The following CADM2 variants were observed in gnomAD, a reference collection of about 807,000 sequenced individuals.
The protein encoded by CADM2 is immunoglobulin superfamily member 4D.
In CADM2, 12 loss-of-function variants were observed where a neutral mutation model predicts 49.8. The ratio of observed to expected loss-of-function variants is 0.24; its 90% CI spans 0.15 to 0.39. The LOEUF (loss-of-function observed/expected upper bound fraction) is 0.39, where lower values mean the gene tolerates loss of function less well. Ranked by LOEUF, CADM2 falls within the 10% of genes least tolerant of loss-of-function variation. CADM2 has a pLI of 1.00. For synonymous variants in CADM2, 214 were observed against 175.4 expected, an observed-to-expected ratio of 1.22 and a Z score of -1.74; for missense variants, 378 against 492.3, an observed-to-expected ratio of 0.77 and a Z score of 2.20.
chr3:85,609,236 C>T (rs1240866799), intron 1 of CADM2, among the ~76,000 whole-genome samples: 3 of 151,966 alleles, frequency 2.0e-5, no homozygotes, highest in East Asian at 1.9e-4. Flanking sequence ...TCTTGTACTC[C>T]GAGAGGTGTT....
At chr3:85,026,552 T>C (rs1282804632) in intron 1 of CADM2, among the ~76,000 whole-genome samples, 1 of 152,194 alleles carries the variant, frequency 6.6e-6, no homozygotes, top group Non-Finnish European at 1.5e-5. Flanking sequence ...CAAATTGTAG[T>C]AATTTTATTT....
At chr3:85,527,349 A>G (rs2061184552) in intron 1 of CADM2, among the ~76,000 whole-genome samples, 1 of 150,648 alleles carries the variant, frequency 6.6e-6, no homozygotes, top group South Asian at 2.1e-4. Flanking sequence ...AGCTATGATC[A>G]TGTCACTGCA....
chr3:85,321,243 G>T (rs1211042117), intron 1 of CADM2, among the ~76,000 whole-genome samples: 1 of 143,166 alleles, frequency 7.0e-6, no homozygotes, highest in East Asian at 2.1e-4. Flanking sequence ...TGGGATCTCG[G>T]TTCACTGCAA....
At chr3:85,392,702 A>G (rs2034573545) in intron 1 of CADM2, among the ~76,000 whole-genome samples, 2 of 152,096 alleles carry the variant, frequency 1.3e-5, no homozygotes, top group African/African-American at 2.4e-5. Context: ...TCTGGACTCA[A>G]AATTCTATAA....
At chr3:85,082,801 G>A (rs752535341) in intron 1 of CADM2, among the ~76,000 whole-genome samples, 18 of 152,026 alleles carry the variant, frequency 1.2e-4, no homozygotes, top group Non-Finnish European at 2.6e-4. Flanking sequence ...AAGAACAAAG[G>A]CATATTTGAT....
intron 1 of CADM2, among the ~76,000 whole-genome samples, chr3:85,034,956 C>T (rs2035151186): frequency 6.6e-6 from 1 of 151,834 alleles, no homozygotes; most frequent in African/African-American, 2.4e-5. Flanking sequence ...TTGCCCACCA[C>T]CACACCGGGC....
chr3:86,032,906 T>C (rs78007230), intron 8 of CADM2, among the ~76,000 whole-genome samples: 4,383 of 152,024 alleles, frequency 0.029, 114 homozygotes, highest in African/African-American at 0.065. Flanking sequence ...CTTATTTTCC[T>C]GAAAAGGTTG....
chr3:85,289,132 G>C (rs564936258), intron 1 of CADM2, among the ~76,000 whole-genome samples: 1 of 152,230 alleles, frequency 6.6e-6, no homozygotes, highest in Non-Finnish European at 1.5e-5. Flanking sequence ...ACTGAAAATA[G>C]AAAGATGCAC....
At position 85,026,356 on chromosome 3, in the gene CADM2, A is replaced by C. The variant is rs529311777; in HGVS notation, c.61+66688A>C. 3.3e-5 allele frequency among the ~76,000 whole-genome samples: 5 copies of C among 152,270 alleles called. No homozygotes were observed. In the South Asian group the frequency reaches 1.0e-3, roughly 32 times the overall value. On this transcript the variant is annotated intron_variant, in intron 1 of 9. Transcript: ENST00000383699. ...CTAAATTAGATGTACAATTATGATT[A>C]TCTAACTTAAAAATTAAAATATTTT... is the stretch of plus-strand genomic sequence containing the variant.
At chr3:85,958,532 G>A (rs1724352952) in intron 7 of CADM2, among the ~76,000 whole-genome samples, 1 of 151,910 alleles carries the variant, frequency 6.6e-6, no homozygotes, top group Admixed American at 6.6e-5. Flanking sequence ...ATTCGACCCA[G>A]CAATCCCATT....
At chr3:85,721,521 T>G (rs138262169) in intron 1 of CADM2, among the ~76,000 whole-genome samples, 111 of 152,126 alleles carry the variant, frequency 7.3e-4, no homozygotes, top group Non-Finnish European at 1.4e-3. Flanking sequence ...GGTGTATGTG[T>G]GAGATGGGGT....
chr3:85,082,461 A>G (rs2037202199), intron 1 of CADM2, among the ~76,000 whole-genome samples: 1 of 152,198 alleles, frequency 6.6e-6, no homozygotes, highest in Non-Finnish European at 1.5e-5. Context: ...TCACAGTTCT[A>G]AAGGCCATGC....
chr3:85,152,393 A>C (rs966508678), intron 1 of CADM2, among the ~76,000 whole-genome samples: 9 of 151,812 alleles, frequency 5.9e-5, no homozygotes, highest in Admixed American at 4.6e-4. Context: ...CCATCATCCT[A>C]CTCTCTTATC....
Position 85,575,973 on chromosome 3 carries a change from A to G in CADM2, c.62-150549A>G, listed in dbSNP as rs141924457. Reference sequence around the variant, plus strand: ...TTTTTGAACCTCAGTGCCCTCATTCATAACAGAGGTAATAATAGTATTTTT... The same window carrying G: ...TTTTTGAACCTCAGTGCCCTCATTCGTAACAGAGGTAATAATAGTATTTTT... On this transcript the variant is annotated intron_variant, in intron 1 of 9. Coordinates refer to ENST00000383699, the MANE Select transcript of CADM2 (RefSeq NM_001167675.2). Among the ~76,000 whole-genome samples the G allele has an allele frequency of 1.2e-4, 19 of 152,292 alleles. No individual in the cohort carries two copies. In the East Asian group the frequency reaches 2.9e-3, roughly 23 times the overall value.
At chr3:84,994,086 T>C (rs2033045196) in intron 1 of CADM2, among the ~76,000 whole-genome samples, 1 of 152,164 alleles carries the variant, frequency 6.6e-6, no homozygotes, top group Non-Finnish European at 1.5e-5. Flanking sequence ...CAGATGCCTT[T>C]TTTTTGTGCT....
At chr3:84,964,354 C>T (rs996857097) in intron 1 of CADM2, among the ~76,000 whole-genome samples, 2 of 152,136 alleles carry the variant, frequency 1.3e-5, no homozygotes, top group Admixed American at 1.3e-4. Flanking sequence ...CTTAAGTAGT[C>T]TGTGGTATAT....
At chr3:85,558,769 A>G (rs2107165073) in intron 1 of CADM2, among the ~76,000 whole-genome samples, 1 of 152,188 alleles carries the variant, frequency 6.6e-6, no homozygotes, top group Middle Eastern at 3.4e-3. Context: ...CAGGGTACAG[A>G]TGGCATCTTA....
intron 3 of CADM2, among the ~76,000 whole-genome samples, chr3:85,846,512 C>T (rs2074887588): frequency 6.6e-6 from 1 of 151,970 alleles, no homozygotes; most frequent in Non-Finnish European, 1.5e-5. Context: ...AAAGACATTG[C>T]CAAAAATGCT....
chr3:85,156,332 A>G (rs1207062779), intron 1 of CADM2, among the ~76,000 whole-genome samples: 1 of 151,782 alleles, frequency 6.6e-6, no homozygotes, highest in African/African-American at 2.4e-5. Flanking sequence ...ACCATCAGAG[A>G]ATACTACAAA....
Sources: gnomAD v4.1 joint callset for allele counts (sites outside exome capture counted in the v4.1 genomes callset) on GRCh38, gnomAD v4.1.1 for gene constraint, MANE v1.5 for transcripts, NCBI Gene and HGNC (gene_info 2026-07-23, HGNC 2026-07-21) for gene names.